The following PTPRT variants were observed in gnomAD, a reference collection of about 807,000 sequenced individuals.
PTPRT encodes receptor-type tyrosine-protein phosphatase T.
PTPRT carries 56 observed loss-of-function variants against 176.8 expected under a neutral mutation model. That is an observed-to-expected ratio of 0.32 (90% confidence interval 0.26 to 0.40). PTPRT has a LOEUF of 0.40. PTPRT is among the 10% of genes least tolerant of loss of function. The pLI, the probability that PTPRT is intolerant of heterozygous loss-of-function variation, is 1.00. For missense variants in PTPRT, 1,540 were observed against 1,908.2 expected (o/e 0.81, Z 3.60); for synonymous variants, 783 against 739.0 (o/e 1.06, Z -0.96).
chr20:42,124,413 G>C (rs1395631310), intron 19 of PTPRT, among the ~76,000 whole-genome samples: 1 of 152,190 alleles, frequency 6.6e-6, no homozygotes, highest in Non-Finnish European at 1.5e-5. Flanking sequence ...TTATTTCCAG[G>C]CTGGTAATTC....
rs942718598 is a variant in PTPRT at position 42,840,283 on chromosome 20, T to C, written c.214+45524A>G. On this transcript the variant is annotated intron_variant, in intron 2 of 30. Transcript: ENST00000373187. ...GGTCACCTTCTTGCAAAGATACTGA[T>C]TGGGGCCAACCTACTCCAGTATGAC... 4.6e-5 allele frequency among the ~76,000 whole-genome samples: 7 copies of C among 152,172 alleles called. No individual in the cohort carries two copies. The East Asian group carries it at 5.8e-4, about 13-fold the overall frequency.
intron 15 of PTPRT, among the ~76,000 whole-genome samples, chr20:42,233,819 G>A (rs2056184176): frequency 6.6e-6 from 1 of 152,140 alleles, no homozygotes; most frequent in South Asian, 2.1e-4. Context: ...GCATCCCACT[G>A]CTGGTATGAG....
chr20:42,254,361 A>AC (rs1232473435), intron 13 of PTPRT, among the ~76,000 whole-genome samples: 2 of 152,138 alleles, frequency 1.3e-5, no homozygotes, highest in African/African-American at 2.4e-5. Flanking sequence ...CTTGAGCCCT[A>AC]CCCCAGACCT....
intron 17 of PTPRT, among the ~76,000 whole-genome samples, chr20:42,160,371 CG>C: frequency 6.6e-6 from 1 of 152,278 alleles, no homozygotes; most frequent in South Asian, 2.1e-4. Context: ...TTCAGAAAAA[CG>C]TCTTAATGCA....
intron 2 of PTPRT, among the ~76,000 whole-genome samples, chr20:42,828,164 A>C (rs1347752393): frequency 6.6e-6 from 1 of 152,200 alleles, no homozygotes; most frequent in Non-Finnish European, 1.5e-5. Flanking sequence ...CATGTGAACA[A>C]TGAAGTCCAG....
At chr20:42,298,644 C>T (rs769439309) in intron 12 of PTPRT, among the ~76,000 whole-genome samples, 5 of 152,080 alleles carry the variant, frequency 3.3e-5, no homozygotes, top group Non-Finnish European at 5.9e-5. Context: ...AGTACTGTGC[C>T]GGGCGCGGTG....
chr20:42,054,313 A>G, the PTPRT span, among the ~76,000 whole-genome samples: 5 of 152,110 alleles, frequency 3.3e-5, no homozygotes, highest in Non-Finnish European at 5.9e-5. Context: ...AACTGGTTAT[A>G]TTGTTTTGGG....
chr20:42,468,306 G>A (rs1232942610), intron 8 of PTPRT, among the ~76,000 whole-genome samples: 8 of 152,146 alleles, frequency 5.3e-5, no homozygotes, highest in African/African-American at 1.4e-4. Flanking sequence ...CTAGAGCCAC[G>A]CTCTAGCCTC....
intron 8 of PTPRT, among the ~76,000 whole-genome samples, chr20:42,459,656 G>C (rs1215345085): frequency 6.6e-6 from 1 of 152,090 alleles, no homozygotes; most frequent in Non-Finnish European, 1.5e-5. Flanking sequence ...ACAAAGCCAG[G>C]GGGTCTCAAT....
intron 17 of PTPRT, among the ~76,000 whole-genome samples, chr20:42,142,209 T>C (rs909590264): frequency 3.9e-5 from 6 of 152,194 alleles, no homozygotes; most frequent in African/African-American, 1.4e-4. Context: ...GTTATTGATG[T>C]CTTCTGTGTC....
At chr20:42,359,659 G>T (rs140109835) in intron 9 of PTPRT, among the ~76,000 whole-genome samples, 1 of 152,220 alleles carries the variant, frequency 6.6e-6, no homozygotes, top group Non-Finnish European at 1.5e-5. Context: ...CTCACCAGCC[G>T]AAGGGCCCTG....
intron 7 of PTPRT, among the ~76,000 whole-genome samples, chr20:42,674,324 T>C (rs771197779): frequency 6.6e-6 from 1 of 152,232 alleles, no homozygotes; most frequent in East Asian, 1.9e-4. Context: ...TTCCAACTCA[T>C]AATTTTTATA....
chr20:42,259,849 C>T (rs530802325), intron 13 of PTPRT, among the ~76,000 whole-genome samples: 1 of 152,298 alleles, frequency 6.6e-6, no homozygotes, highest in East Asian at 1.9e-4. Context: ...TAGCCCATGG[C>T]CATGAAAATA....
At chr20:42,445,523 A>G (rs555535161) in intron 9 of PTPRT, among the ~76,000 whole-genome samples, 1 of 152,306 alleles carries the variant, frequency 6.6e-6, no homozygotes, top group African/African-American at 2.4e-5. Context: ...TTGATACACA[A>G]GATTACACTC....
chr20:42,105,629 A>G (rs895133101), intron 24 of PTPRT, among the ~76,000 whole-genome samples: 20 of 152,338 alleles, frequency 1.3e-4, no homozygotes, highest in African/African-American at 4.6e-4. Context: ...CTGCATTTGA[A>G]TATGTCTCCC....
intron 1 of PTPRT, among the ~76,000 whole-genome samples, chr20:42,958,410 G>C (rs1981791099): frequency 7.3e-6 from 1 of 136,864 alleles, no homozygotes; most frequent in African/African-American, 2.8e-5. Context: ...GTGGGAAAGG[G>C]AAGAAGGGAG....
intron 9 of PTPRT, among the ~76,000 whole-genome samples, chr20:42,389,487 G>A (rs893838366): frequency 6.6e-6 from 1 of 152,136 alleles, no homozygotes; most frequent in African/African-American, 2.4e-5. Context: ...AGTGTTGGGA[G>A]GTGGGGCCTA....
At chr20:42,820,722 T>C (rs2077877815) in intron 2 of PTPRT, among the ~76,000 whole-genome samples, 1 of 151,956 alleles carries the variant, frequency 6.6e-6, no homozygotes, top group African/African-American at 2.4e-5. Flanking sequence ...TAAAAAATGA[T>C]AAAGGGGATA....
At chr20:42,427,915 C>T (rs570972535) in intron 9 of PTPRT, among the ~76,000 whole-genome samples, 73 of 152,282 alleles carry the variant, frequency 4.8e-4, no homozygotes, top group African/African-American at 1.6e-3. Flanking sequence ...CTCCTGCCCA[C>T]GAGAGAACAA....
Sources: gnomAD v4.1 joint callset for allele counts (sites outside exome capture counted in the v4.1 genomes callset) on GRCh38, gnomAD v4.1.1 for gene constraint, MANE v1.5 for transcripts, NCBI Gene and HGNC (gene_info 2026-07-23, HGNC 2026-07-21) for gene names.